PPP1R1C: variants seen among roughly 807,000 people sequenced by gnomAD.
The protein encoded by PPP1R1C is protein phosphatase 1 regulatory subunit 1C.
Under a neutral mutation model 17.4 loss-of-function variants are expected in PPP1R1C, and 15 were observed. The ratio of observed to expected loss-of-function variants is 0.86; its 90% CI spans 0.58 to 1.33. The LOEUF (loss-of-function observed/expected upper bound fraction) is 1.33. Ranked by LOEUF, PPP1R1C falls within the 40% of genes most tolerant of loss-of-function variation. The pLI, the probability that PPP1R1C is intolerant of heterozygous loss-of-function variation, is 0.00. For synonymous variants in PPP1R1C, 35 were observed against 43.1 expected, an observed-to-expected ratio of 0.81 and a Z score of 0.73; for missense variants, 143 against 130.0, an observed-to-expected ratio of 1.10 and a Z score of -0.48.
chr2:182,088,766 T>C (rs1688701680), intron 4 of PPP1R1C, among the ~76,000 whole-genome samples: 1 of 152,262 alleles, frequency 6.6e-6, no homozygotes, highest in African/African-American at 2.4e-5. Context: ...TAGTCCTATG[T>C]GTTTGGTTTA....
At chr2:182,034,028 G>A (rs1686926128) in intron 2 of PPP1R1C, among the ~76,000 whole-genome samples, 1 of 152,156 alleles carries the variant, frequency 6.6e-6, no homozygotes, top group South Asian at 2.1e-4. Flanking sequence ...AGGCTATAAT[G>A]TGTGTCTTCT....
chr2:182,104,726 C>G (rs934593285), intron 4 of PPP1R1C, among the ~76,000 whole-genome samples: 2 of 152,092 alleles, frequency 1.3e-5, no homozygotes, highest in African/African-American at 4.8e-5. Flanking sequence ...ATTTTCTTTT[C>G]TTGTGGCATC....
At chr2:182,080,386 A>T (rs1688439771) in intron 4 of PPP1R1C, among the ~76,000 whole-genome samples, 1 of 152,214 alleles carries the variant, frequency 6.6e-6, no homozygotes, top group African/African-American at 2.4e-5. Flanking sequence ...CATCATTTAT[A>T]ACGACTTCGT....
chr2:182,053,778 T>A (rs938475135), intron 2 of PPP1R1C, among the ~76,000 whole-genome samples: 1 of 148,946 alleles, frequency 6.7e-6, no homozygotes, highest in African/African-American at 2.4e-5. Flanking sequence ...TATTTATTTA[T>A]TTTATTTATT....
chr2:182,085,897 G>C (rs1673882847), intron 4 of PPP1R1C, among the ~76,000 whole-genome samples: 1 of 152,000 alleles, frequency 6.6e-6, no homozygotes, highest in African/African-American at 2.4e-5. Context: ...TGGTCAAATG[G>C]AAATGTATTG....
At chr2:182,092,935 C>T (rs180842528) in intron 4 of PPP1R1C, among the ~76,000 whole-genome samples, 1 of 152,252 alleles carries the variant, frequency 6.6e-6, no homozygotes, top group African/African-American at 2.4e-5. Context: ...AGTGGATCTA[C>T]CATTCTGGGG....
chr2:182,009,399 T>C (rs1686025676), intron 2 of PPP1R1C, among the ~76,000 whole-genome samples: 1 of 152,154 alleles, frequency 6.6e-6, no homozygotes, highest in Admixed American at 6.5e-5. Flanking sequence ...GAGCACCTTT[T>C]CATATACCTA....
At chr2:181,999,100 T>C (rs1321677302) in intron 2 of PPP1R1C, among the ~76,000 whole-genome samples, 9 of 152,212 alleles carry the variant, frequency 5.9e-5, no homozygotes, top group African/African-American at 2.4e-5. Context: ...GCAGCCATCA[T>C]TGGAATCAAG....
downstream of PPP1R1C, chr2:182,131,323 A>G (rs746037814): frequency 1.3e-5 from 2 of 152,190 alleles, no homozygotes; most frequent in Non-Finnish European, 2.9e-5. Context: ...CTAAATATGT[A>G]TATATGTATA....
chr2:181,959,248 T>C (rs1684724413), intron 1 of PPP1R1C, among the ~76,000 whole-genome samples: 1 of 152,240 alleles, frequency 6.6e-6, no homozygotes, highest in Non-Finnish European at 1.5e-5. Context: ...TTTCCCTTGA[T>C]ATTAGCAACC....
In PPP1R1C at chr2:182,007,772, AG is replaced by A. The variant is rs568621127; in HGVS notation, c.142+19874del. ...AGTATATGTAAAAATGTATCAAAAT[AG>A]AAATCAAGGCTAGGCGCGGTGGCTC... On this transcript the variant is annotated intron_variant, in intron 2 of 4. Transcript: ENST00000682840. Among the ~76,000 whole-genome samples, 165 of 152,356 alleles carry A rather than the reference AG, an allele frequency of 1.1e-3. 1 individual carries two copies. Among genetic ancestry groups the A allele is most frequent in the East Asian group, 1.4e-3 (7 of 5,182 alleles).
upstream of PPP1R1C, among the ~76,000 whole-genome samples, chr2:181,984,012 A>G (rs1216482626): frequency 6.6e-6 from 1 of 152,258 alleles, no homozygotes; most frequent in East Asian, 1.9e-4. Context: ...TGGTATTTAT[A>G]CCAAACACAT....
intron 4 of PPP1R1C, among the ~76,000 whole-genome samples, chr2:182,086,969 TG>T (rs1688646694): frequency 1.3e-5 from 2 of 151,980 alleles, no homozygotes; most frequent in South Asian, 4.1e-4. Flanking sequence ...TCTCAGTTAA[TG>T]GCCTCTTCAT....
chr2:182,084,119 T>C (rs566297623), intron 4 of PPP1R1C, among the ~76,000 whole-genome samples: 1 of 151,264 alleles, frequency 6.6e-6, no homozygotes, highest in African/African-American at 2.4e-5. Context: ...ATTATTTGTG[T>C]TTTTTTTTAT....
chr2:182,044,911 G>GA (rs911690285), intron 2 of PPP1R1C, among the ~76,000 whole-genome samples: 9 of 152,038 alleles, frequency 5.9e-5, no homozygotes, highest in African/African-American at 1.2e-4. Flanking sequence ...ACCATTATGA[G>GA]AAAAAAATGG....
chr2:182,024,344 T>C (rs1686524656), intron 2 of PPP1R1C, among the ~76,000 whole-genome samples: 1 of 152,146 alleles, frequency 6.6e-6, no homozygotes, highest in South Asian at 2.1e-4. Flanking sequence ...CCAAAAAATT[T>C]AAGGGTTACA....
intron 2 of PPP1R1C, among the ~76,000 whole-genome samples, chr2:182,037,079 C>T (rs916685599): frequency 1.3e-5 from 2 of 152,244 alleles, no homozygotes; most frequent in African/African-American, 4.8e-5. Flanking sequence ...TAAACATATA[C>T]ATAAAATAGC....
At chr2:182,015,534 AC>A (rs1388536021) in intron 2 of PPP1R1C, among the ~76,000 whole-genome samples, 1 of 152,282 alleles carries the variant, frequency 6.6e-6, no homozygotes, top group South Asian at 2.1e-4. Flanking sequence ...TAAAGCTGAC[AC>A]AGCACTGGCT....
At chr2:182,075,600 T>C (rs1293263736) in intron 4 of PPP1R1C, among the ~76,000 whole-genome samples, 1 of 152,212 alleles carries the variant, frequency 6.6e-6, no homozygotes, top group African/African-American at 2.4e-5. Flanking sequence ...CATCACTGCG[T>C]AGGACAAAGA....
Sources: allele counts gnomAD v4.1 joint callset (sites outside exome capture counted in the v4.1 genomes callset), GRCh38; gene constraint gnomAD v4.1.1; transcripts MANE v1.5; gene names NCBI Gene and HGNC (gene_info 2026-07-23, HGNC 2026-07-21).